The following ANTXR1 variants were observed in gnomAD, a reference collection of about 807,000 sequenced individuals.
ANTXR1 encodes ANTXR cell adhesion molecule 1.
Under a neutral mutation model 78.1 loss-of-function variants are expected in ANTXR1, and 19 were observed. That is an observed-to-expected ratio of 0.24 (90% CI 0.17 to 0.36). The LOEUF is 0.36. Ranked by LOEUF, ANTXR1 falls within the 10% of genes least tolerant of loss-of-function variation. The pLI is 1.00. For missense variants in ANTXR1, 518 were observed against 718.6 expected (o/e 0.72, Z 3.19); for synonymous variants, 273 against 260.5 (o/e 1.05, Z -0.46).
At chr2:69,120,067 A>G (rs77799520) in intron 10 of ANTXR1, among the ~76,000 whole-genome samples, 10,129 of 152,244 alleles carry the variant, frequency 0.067, 463 homozygotes, top group Admixed American at 0.093. Context: ...CATTTAATAC[A>G]CCTAACTTCC....
chr2:69,114,059 C>T (rs1416419519), intron 10 of ANTXR1, among the ~76,000 whole-genome samples: 1 of 152,142 alleles, frequency 6.6e-6, no homozygotes, highest in East Asian at 1.9e-4. Context: ...CCTAAAACTA[C>T]CCTATTAACT....
chr2:69,165,198 A>G (rs1205152698), intron 13 of ANTXR1, among the ~76,000 whole-genome samples: 1 of 152,188 alleles, frequency 6.6e-6, no homozygotes, highest in Non-Finnish European at 1.5e-5. Context: ...TAGAGGACAA[A>G]TGCTTCATTT....
At chr2:69,157,083 A>G (rs960982054) in intron 13 of ANTXR1, among the ~76,000 whole-genome samples, 5 of 151,954 alleles carry the variant, frequency 3.3e-5, no homozygotes, top group African/African-American at 9.7e-5. Context: ...TATTTCTCCA[A>G]TCCTTCGCTT....
chr2:69,020,043 G>A (rs111710285), intron 1 of ANTXR1, among the ~76,000 whole-genome samples: 1 of 152,122 alleles, frequency 6.6e-6, no homozygotes, highest in African/African-American at 2.4e-5. Context: ...GTGAACATAT[G>A]CATGCATGTA....
At chr2:69,071,194 C>T (rs930960479) in intron 4 of ANTXR1, among the ~76,000 whole-genome samples, 5 of 152,224 alleles carry the variant, frequency 3.3e-5, no homozygotes, top group African/African-American at 1.2e-4. Flanking sequence ...CTACAGTCAT[C>T]TATCACTTAA....
intron 17 of ANTXR1, among the ~76,000 whole-genome samples, chr2:69,227,026 C>T (rs145704425): frequency 1.3e-3 from 200 of 152,256 alleles, no homozygotes; most frequent in African/African-American, 4.7e-3. Flanking sequence ...TTGATACTGG[C>T]TCATGGTCTT....
At chr2:69,243,788 T>C (rs922041970) in intron 17 of ANTXR1, among the ~76,000 whole-genome samples, 1 of 152,176 alleles carries the variant, frequency 6.6e-6, no homozygotes, top group African/African-American at 2.4e-5. Context: ...TCCTGGAGCA[T>C]GTGGCCAGGA....
chr2:69,207,385 A>C (rs140139836), intron 17 of ANTXR1, among the ~76,000 whole-genome samples: 12 of 152,304 alleles, frequency 7.9e-5, no homozygotes, highest in African/African-American at 2.9e-4. Context: ...GCAGCTTTCC[A>C]TAAGGCTTCC....
intron 13 of ANTXR1, among the ~76,000 whole-genome samples, chr2:69,165,675 C>T (rs988716429): frequency 2.1e-4 from 32 of 152,244 alleles, no homozygotes; most frequent in African/African-American, 7.5e-4. Flanking sequence ...TCAAACGGAA[C>T]GTCTAGTGAG....
At position 69,170,250 on chromosome 2, in the gene ANTXR1, TATC is replaced by T; in HGVS notation, c.1052_1054del (p.Ile351del). 6.2e-7 allele frequency: 1 copy of T among 1,614,162 alleles called. No individual in the cohort carries two copies. The highest frequency in any genetic ancestry group is 8.5e-7 in the Non-Finnish European group (1 of 1,180,016). On this transcript the variant is annotated inframe_deletion, in exon 14 of 18. Transcript: ENST00000303714. ...CCTGTTCTCTGTTTTCTTTTCAGAT[TATC>T]AAGGAGGTCCCTCCACCCCCTGCCG... is the stretch of plus-strand genomic sequence containing the variant.
chr2:69,160,439 A>G (rs1430999811), intron 13 of ANTXR1, among the ~76,000 whole-genome samples: 1 of 152,122 alleles, frequency 6.6e-6, no homozygotes, highest in East Asian at 1.9e-4. Flanking sequence ...AAACTAGAAA[A>G]TTGGAACCAT....
chr2:69,102,696 C>A, intron 9 of ANTXR1, 146 bp from the exon 10 acceptor site: 1 of 834,120 alleles, frequency 1.2e-6, no homozygotes, highest in Non-Finnish European at 2.0e-6. Flanking sequence ...AAGGAACCCA[C>A]CTGGTTGCTT....
intron 17 of ANTXR1, among the ~76,000 whole-genome samples, chr2:69,219,384 G>GACACACACACACACAC (rs377200577): frequency 0.053 from 7,027 of 132,076 alleles, 302 homozygotes; most frequent in Non-Finnish European, 0.074. Context: ...CCAGAAGGAG[G>GACACACACACACACAC]ACACACACAC....
At chr2:69,032,981 T>A (rs1671572370) in intron 1 of ANTXR1, among the ~76,000 whole-genome samples, 1 of 152,234 alleles carries the variant, frequency 6.6e-6, no homozygotes, top group South Asian at 2.1e-4. Flanking sequence ...TTCTATTCTA[T>A]TTTTTTAATG....
intron 1 of ANTXR1, among the ~76,000 whole-genome samples, chr2:69,032,775 A>C (rs1032699722): frequency 2.6e-5 from 4 of 152,044 alleles, no homozygotes; most frequent in African/African-American, 4.8e-5. Flanking sequence ...GTGTGTGTGC[A>C]TGTGCCTGTC....
chr2:69,013,606 G>C lies in ANTXR1; in HGVS notation c.107G>C (p.Gly36Ala). Residue 36 changes from glycine to alanine, a missense_variant, in exon 1 of 18, where the codon GGT becomes GCT. Gly to Ala is a moderately conservative substitution (Grantham distance 60). Transcript: ENST00000303714. This position sits in a 1 kb window ranked among gnomAD's most constrained non-coding sequence, Gnocchi z 5.0. ...CAAGGGGGACGCAGGGAGGATGGGG[G>C]TCCAGCCTGCTACGGCGGATTTGAC... The part of the protein sequence containing the change: ...AGQGGRREDG[G>A]PACYGGFDLY... The C allele has an allele frequency of 6.4e-7, 1 of 1,560,130 alleles. No homozygotes were observed. Among genetic ancestry groups the C allele is most frequent in the Non-Finnish European group, 8.7e-7 (1 of 1,150,996 alleles).
At chr2:69,062,458 G>A (rs1670273654) in intron 3 of ANTXR1, among the ~76,000 whole-genome samples, 1 of 152,164 alleles carries the variant, frequency 6.6e-6, no homozygotes, top group Non-Finnish European at 1.5e-5. Flanking sequence ...AGGCAGGGCA[G>A]GGCAAAAGTC....
At chr2:69,021,343 T>G (rs1166512911) in intron 1 of ANTXR1, among the ~76,000 whole-genome samples, 1 of 152,178 alleles carries the variant, frequency 6.6e-6, no homozygotes, top group Non-Finnish European at 1.5e-5. Context: ...CAAAAGAACA[T>G]TGAATCAATC....
Position 69,171,770 on chromosome 2 carries a change from G to T in ANTXR1, c.1089+1481G>T, listed in dbSNP as rs575959913. On this transcript the variant is annotated intron_variant, in intron 14 of 17. Transcript: ENST00000303714. ...CTCAGCAGGGACTTTTAGGATGAAG[G>T]ACCCAGCAACACAATTTTGGAGCCA... Among the ~76,000 whole-genome samples the T allele has an allele frequency of 2.5e-4, 38 of 152,296 alleles. No individual in the cohort carries two copies. In the South Asian group the frequency reaches 7.0e-3, roughly 28 times the overall value.
Sources: allele counts gnomAD v4.1 joint callset (sites outside exome capture counted in the v4.1 genomes callset), GRCh38; gene constraint gnomAD v4.1.1; non-coding constraint Gnocchi (gnomAD v3.1); transcripts MANE v1.5; gene names NCBI Gene and HGNC (gene_info 2026-07-23, HGNC 2026-07-21).